FOXO3: variants seen among roughly 807,000 people sequenced by gnomAD.
FOXO3 encodes the protein forkhead box O3.
FOXO3 carries 4 observed loss-of-function variants against 41.9 expected under a neutral mutation model. The ratio of observed to expected loss-of-function variants is 0.10; its 90% CI spans 0.05 to 0.22. The LOEUF (loss-of-function observed/expected upper bound fraction) is 0.22. FOXO3 is among the 10% of genes least tolerant of loss of function. FOXO3 has a pLI of 1.00. For missense variants in FOXO3, 534 were observed against 906.8 expected (o/e 0.59, Z 5.28); for synonymous variants, 318 against 389.3 (o/e 0.82, Z 2.16).
chr6:108,562,460 C>T (rs186082936), intron 1 of FOXO3, among the ~76,000 whole-genome samples: 3 of 152,054 alleles, frequency 2.0e-5, no homozygotes, highest in Admixed American at 6.6e-5. Flanking sequence ...TCGGAGATGT[C>T]GCTCCAGTAA....
At chr6:108,614,554 T>C (rs1777442008) in intron 1 of FOXO3, among the ~76,000 whole-genome samples, 1 of 152,136 alleles carries the variant, frequency 6.6e-6, no homozygotes, top group Non-Finnish European at 1.5e-5. Flanking sequence ...TTCTTTTGAC[T>C]ACTGTTTGTA....
At chr6:108,630,237 G>A (rs1047944769) in intron 1 of FOXO3, among the ~76,000 whole-genome samples, 2 of 152,146 alleles carry the variant, frequency 1.3e-5, no homozygotes, top group African/African-American at 2.4e-5. Flanking sequence ...GGTATGAAGA[G>A]GAGGGTACAA....
At chr6:108,575,953 C>G (rs2128358617) in intron 1 of FOXO3, among the ~76,000 whole-genome samples, 1 of 152,226 alleles carries the variant, frequency 6.6e-6, no homozygotes, top group South Asian at 2.1e-4. Context: ...CCCTGAAAAG[C>G]CTGGAATTGA....
intron 1 of FOXO3, among the ~76,000 whole-genome samples, chr6:108,634,495 G>C (rs1254433781): frequency 6.6e-6 from 1 of 152,126 alleles, no homozygotes; most frequent in Non-Finnish European, 1.5e-5. Flanking sequence ...CTCTTTGCCT[G>C]TTTGATCCAT....
At position 108,561,784 on chromosome 6, in the gene FOXO3, C is replaced by T. The variant is rs142429317; in HGVS notation, c.576C>T (p.Pro192=). 6 of 1,599,838 alleles carry T rather than the reference C, an allele frequency of 3.8e-6. No homozygotes were observed. The highest frequency in any genetic ancestry group is 4.3e-6 in the Non-Finnish European group (5 of 1,174,172). ...QIYEWMVRCV[P]YFKDKGDSNS... is the part of the protein sequence containing the mutation. ...ACGAGTGGATGGTGCGTTGCGTGCC[C>T]TACTTCAAGGATAAGGGCGACAGCA... Residue 192 remains proline, a synonymous_variant, in exon 1 of 3, where the codon CCC becomes CCT. Transcript: ENST00000406360.
At chr6:108,671,157 A>G (rs1337286327) in intron 2 of FOXO3, among the ~76,000 whole-genome samples, 1 of 152,214 alleles carries the variant, frequency 6.6e-6, no homozygotes, top group Non-Finnish European at 1.5e-5. Context: ...GTTCTGTTCC[A>G]TTATCACATG....
intron 1 of FOXO3, among the ~76,000 whole-genome samples, chr6:108,595,409 T>G (rs1399106865): frequency 6.6e-6 from 1 of 152,228 alleles, no homozygotes; most frequent in Non-Finnish European, 1.5e-5. Context: ...TTGAATTCAT[T>G]TCCCAAGCAT....
intron 1 of FOXO3, among the ~76,000 whole-genome samples, chr6:108,652,965 G>C (rs1350778811): frequency 3.3e-5 from 5 of 152,112 alleles, no homozygotes; most frequent in African/African-American, 4.8e-5. Flanking sequence ...TTGCTCCACC[G>C]AGTAGCACAC....
At chr6:108,618,836 C>T (rs1011275421) in intron 1 of FOXO3, among the ~76,000 whole-genome samples, 2 of 152,142 alleles carry the variant, frequency 1.3e-5, no homozygotes, top group Non-Finnish European at 1.5e-5. Flanking sequence ...GGGTGTTCTG[C>T]CCTTCCAATT....
In FOXO3 at chr6:108,609,644, A is replaced by G. The variant is rs374590214; in HGVS notation, c.621+47815A>G. On this transcript the variant is annotated intron_variant, in intron 1 of 2. Coordinates refer to ENST00000406360, the MANE Select transcript of FOXO3 (RefSeq NM_001455.4). The stretch of plus-strand genomic sequence containing the variant: ...TGTTTCTCGCTGCATCTCTCTTTGT[A>G]TATAACGCTGTGGATCGCTTTTAAG... 5.9e-5 allele frequency among the ~76,000 whole-genome samples: 9 copies of G among 152,300 alleles called. No individual in the cohort carries two copies. The East Asian group carries it at 7.7e-4, about 13-fold the overall frequency.
At chr6:108,616,981 AAAT>A (rs751587171) in intron 1 of FOXO3, among the ~76,000 whole-genome samples, 2 of 152,212 alleles carry the variant, frequency 1.3e-5, no homozygotes, top group Non-Finnish European at 2.9e-5. Context: ...TTTTATTGCT[AAAT>A]AATAATCCAT....
chr6:108,684,271 T>C lies in FOXO3; in HGVS notation c.*4479T>C, dbSNP rs1355337834. 1 of 152,616 alleles carries C rather than the reference T, an allele frequency of 6.6e-6. No individual in the cohort carries two copies. Among genetic ancestry groups the C allele is most frequent in the Non-Finnish European group, 1.5e-5 (1 of 68,046 alleles). The allele number at this position is 152,616 out of a possible 1,614,324, so 9.5% of individuals were successfully genotyped here. A position where few individuals can be genotyped will look rare whatever the true frequency, so the allele number is the denominator to read the frequency against. ...AAATGTGAAGGAGGACCAGAAAAAT[T>C]AGTTAATATTTAAAAAAATGTATTG... On this transcript the variant is annotated 3_prime_UTR_variant, in exon 3 of 3. Coordinates refer to ENST00000406360, the MANE Select transcript of FOXO3 (RefSeq NM_001455.4).
At chr6:108,621,718 C>T (rs1034964473) in intron 1 of FOXO3, among the ~76,000 whole-genome samples, 1 of 152,062 alleles carries the variant, frequency 6.6e-6, no homozygotes, top group Non-Finnish European at 1.5e-5. Context: ...TGGCATGGTC[C>T]GTTTCAGAAG....
intron 1 of FOXO3, among the ~76,000 whole-genome samples, chr6:108,590,951 TTGG>T (rs1310990259): frequency 6.6e-6 from 1 of 152,148 alleles, no homozygotes; most frequent in African/African-American, 2.4e-5. Flanking sequence ...GGCCCAGCAC[TTGG>T]TGGTGGGCTC....
At chr6:108,663,212 A>C (rs982899513) in intron 1 of FOXO3, among the ~76,000 whole-genome samples, 3 of 152,292 alleles carry the variant, frequency 2.0e-5, no homozygotes, top group African/African-American at 7.2e-5. Flanking sequence ...TCTGTACAAA[A>C]AATACAACAA....
intron 1 of FOXO3, among the ~76,000 whole-genome samples, chr6:108,637,041 G>A (rs1778138992): frequency 6.6e-6 from 1 of 152,074 alleles, no homozygotes; most frequent in African/African-American, 2.4e-5. Context: ...AGAGTTTCTG[G>A]GCATTGAGCA....
intron 1 of FOXO3, among the ~76,000 whole-genome samples, chr6:108,599,933 C>G (rs1039177077): frequency 6.6e-6 from 1 of 152,190 alleles, no homozygotes; most frequent in African/African-American, 2.4e-5. Flanking sequence ...CAAGACCCAC[C>G]TGCATCTGTG....
intron 2 of FOXO3, among the ~76,000 whole-genome samples, chr6:108,672,688 G>A (rs1446000998): frequency 3.9e-5 from 6 of 152,172 alleles, no homozygotes; most frequent in East Asian, 3.9e-4. Context: ...TTGATTGAAG[G>A]TTTGGATGTC....
intron 1 of FOXO3, among the ~76,000 whole-genome samples, chr6:108,635,173 C>T (rs963083128): frequency 5.3e-5 from 8 of 151,870 alleles, no homozygotes; most frequent in East Asian, 1.9e-4. Flanking sequence ...TGGTGGCAGG[C>T]GCCTGTAATC....
Sources: allele counts gnomAD v4.1 joint callset (sites outside exome capture counted in the v4.1 genomes callset), GRCh38; gene constraint gnomAD v4.1.1; transcripts MANE v1.5; gene names NCBI Gene and HGNC (gene_info 2026-07-23, HGNC 2026-07-21).